ADAM9: variants seen among roughly 807,000 people sequenced by gnomAD.
The protein encoded by ADAM9 is ADAM metallopeptidase domain 9.
Under a neutral mutation model 108.1 loss-of-function variants are expected in ADAM9, and 54 were observed. That is an observed-to-expected ratio of 0.50 (90% CI 0.40 to 0.63). The LOEUF (loss-of-function observed/expected upper bound fraction) is 0.63, where lower values mean the gene tolerates loss of function less well. Among genes scored for constraint, ADAM9 ranks in the 20% least tolerant of loss-of-function variants. ADAM9 has a pLI of 0.00. For missense variants in ADAM9, 830 were observed against 997.7 expected (o/e 0.83, Z 2.26); for synonymous variants, 316 against 336.0 (o/e 0.94, Z 0.65).
At chr8:39,061,866 G>A (rs139095167) in intron 14 of ADAM9, among the ~76,000 whole-genome samples, 2 of 152,072 alleles carry the variant, frequency 1.3e-5, no homozygotes, top group East Asian at 3.9e-4. Context: ...ATTTTAGAGG[G>A]GACAGACATT....
intron 14 of ADAM9, among the ~76,000 whole-genome samples, chr8:39,061,007 C>T (rs960754122): frequency 7.2e-5 from 11 of 152,364 alleles, no homozygotes; most frequent in African/African-American, 2.6e-4. Context: ...GGAGTCACCA[C>T]TTAGCTAAGC....
chr8:39,001,104 T>C (rs1043261664), intron 1 of ADAM9, among the ~76,000 whole-genome samples: 1 of 152,178 alleles, frequency 6.6e-6, no homozygotes, highest in Non-Finnish European at 1.5e-5. Flanking sequence ...ATCAGTCTTA[T>C]TGAAAGGCTG....
At chr8:39,025,394 G>T (rs1274754207) in intron 9 of ADAM9, among the ~76,000 whole-genome samples, 1 of 152,136 alleles carries the variant, frequency 6.6e-6, no homozygotes, top group African/African-American at 2.4e-5. Context: ...ACCACGTCTG[G>T]CCCATCCTTA....
At chr8:39,033,659 C>T (rs1837174587) in intron 11 of ADAM9, among the ~76,000 whole-genome samples, 1 of 151,840 alleles carries the variant, frequency 6.6e-6, no homozygotes, top group African/African-American at 2.4e-5. Flanking sequence ...ATAAGATACA[C>T]CACTTTTTCC....
In ADAM9 at chr8:39,104,206, TTGTC is replaced by T. The variant is rs1381003811; in HGVS notation, c.*511_*514del. ...TTAATAATCATCATACTCTAGAATC[TTGTC>T]TGTCACTCACTACATGAATAAGCAA... On this transcript the variant is annotated 3_prime_UTR_variant, in exon 22 of 22. Coordinates refer to ENST00000487273, the MANE Select transcript of ADAM9 (RefSeq NM_003816.3). 2 of 453,964 alleles carry T rather than the reference TTGTC, an allele frequency of 4.4e-6. No individual in the cohort carries two copies. Among genetic ancestry groups the T allele is most frequent in the Admixed American group, 2.4e-5 (1 of 42,546 alleles). The allele number at this position is 453,964 out of a possible 1,614,324, so 28.1% of individuals were successfully genotyped here.
In ADAM9 at chr8:38,997,091, G is replaced by T. The variant is rs761188130; in HGVS notation, c.28G>T (p.Gly10Trp). Residue 10 changes from glycine to tryptophan, a missense_variant, in exon 1 of 22, where the codon GGG (glycine) becomes TGG (tryptophan). Transcript: ENST00000487273. ...GGGGTCTGGCGCGCGCTTTCCCTCG[G>T]GGACCCTTCGTGTCCGGTGGTTGCT... MGSGARFPS[G>W]TLRVRWLLLL... 3 of 1,607,286 alleles carry T rather than the reference G, an allele frequency of 1.9e-6. No homozygotes were observed. Among genetic ancestry groups the T allele is most frequent in the Admixed American group, 3.3e-5 (2 of 59,974 alleles).
intron 20 of ADAM9, among the ~76,000 whole-genome samples, chr8:39,097,876 A>C (rs1488696284): frequency 6.6e-6 from 1 of 152,154 alleles, no homozygotes; most frequent in East Asian, 1.9e-4. Context: ...TGTGAAAATC[A>C]GAGGGATTCG....
chr8:39,040,855 G>T (rs971930990), intron 11 of ADAM9, among the ~76,000 whole-genome samples: 2 of 152,168 alleles, frequency 1.3e-5, no homozygotes, highest in Admixed American at 6.5e-5. Flanking sequence ...GGAAAGGATA[G>T]TTCTCTTCAA....
intron 12 of ADAM9, among the ~76,000 whole-genome samples, chr8:39,049,149 C>T (rs947563074): frequency 1.3e-5 from 2 of 151,008 alleles, no homozygotes; most frequent in African/African-American, 2.4e-5. Flanking sequence ...TTTTGCCTGC[C>T]CTTTCTTGCT....
chr8:39,048,197 A>G (rs1837837280), intron 12 of ADAM9, among the ~76,000 whole-genome samples: 1 of 152,194 alleles, frequency 6.6e-6, no homozygotes, highest in Non-Finnish European at 1.5e-5. Context: ...GGCGTGAGCC[A>G]CCACATCTGT....
At chr8:39,086,224 A>G (rs1352590432) in intron 18 of ADAM9, among the ~76,000 whole-genome samples, 4 of 152,160 alleles carry the variant, frequency 2.6e-5, no homozygotes, top group Admixed American at 6.5e-5. Context: ...GCTGTTGGCC[A>G]GGCTGGTCTC....
intron 14 of ADAM9, among the ~76,000 whole-genome samples, chr8:39,065,682 A>G (rs963129700): frequency 1.5e-5 from 2 of 135,784 alleles, no homozygotes; most frequent in Non-Finnish European, 3.2e-5. Flanking sequence ...AAAAAAAAAA[A>G]GGACATAATC....
chr8:39,016,065 T>A, intron 4 of ADAM9, 53 bp from the exon 5 acceptor site: 1 of 1,525,468 alleles, frequency 6.6e-7, no homozygotes, highest in South Asian at 1.1e-5. Context: ...ATTTCTGTGA[T>A]GATTTTCAGC....
At chr8:39,075,420 A>C (rs1838824324) in intron 15 of ADAM9, among the ~76,000 whole-genome samples, 1 of 152,180 alleles carries the variant, frequency 6.6e-6, no homozygotes, top group Non-Finnish European at 1.5e-5. Context: ...GTGCCATATG[A>C]ATATCCAGTT....
intron 14 of ADAM9, among the ~76,000 whole-genome samples, chr8:39,069,156 T>G (rs1045077440): frequency 6.6e-6 from 1 of 152,192 alleles, no homozygotes; most frequent in Non-Finnish European, 1.5e-5. Context: ...CTGAGATACA[T>G]TGAGTCATTT....
At chr8:39,031,014 C>T (rs1837079370) in intron 11 of ADAM9, among the ~76,000 whole-genome samples, 1 of 152,184 alleles carries the variant, frequency 6.6e-6, no homozygotes, top group Non-Finnish European at 1.5e-5. Context: ...CAAATATTTT[C>T]TACTAGTCTG....
chr8:39,002,110 C>T (rs966247027), intron 1 of ADAM9, among the ~76,000 whole-genome samples: 4 of 148,732 alleles, frequency 2.7e-5, no homozygotes, highest in Non-Finnish European at 1.5e-5. Context: ...AATAATAGTG[C>T]TTTGTAGATC....
At chr8:39,034,985 A>G (rs1435246826) in intron 11 of ADAM9, among the ~76,000 whole-genome samples, 2 of 152,156 alleles carry the variant, frequency 1.3e-5, no homozygotes, top group African/African-American at 2.4e-5. Flanking sequence ...CATCAGTCGG[A>G]AAATTCTCAG....
chr8:39,023,146 T>C lies in ADAM9; in HGVS notation c.745-10T>C, dbSNP rs370715261. On this transcript the variant is annotated splice_polypyrimidine_tract_variant and intron_variant, in intron 8 of 21. Coordinates refer to ENST00000487273, the MANE Select transcript of ADAM9 (RefSeq NM_003816.3). ...CTATATTTTATATACTTTTATTTCT[T>C]TCTTCCCAGATGTATATTATGTTAA... is the stretch of plus-strand genomic sequence containing the variant. 1.4e-5 allele frequency: 22 copies of C among 1,606,316 alleles called. No individual in the cohort carries two copies. The African/African-American group carries it at 1.5e-4, about 11-fold the overall frequency.
Sources: gnomAD v4.1 joint callset for allele counts (sites outside exome capture counted in the v4.1 genomes callset) on GRCh38, gnomAD v4.1.1 for gene constraint, MANE v1.5 for transcripts, NCBI Gene and HGNC (gene_info 2026-07-23, HGNC 2026-07-21) for gene names.